The following PLPPR1 variants were observed in gnomAD, a reference collection of about 807,000 sequenced individuals.
The protein encoded by PLPPR1 is phospholipid phosphatase-related protein type 1.
PLPPR1 carries 10 observed loss-of-function variants against 33.1 expected under a neutral mutation model. That is an observed-to-expected ratio of 0.30 (90% confidence interval 0.19 to 0.51). The LOEUF is 0.51. PLPPR1 is among the 20% of genes least tolerant of loss of function. The probability of loss-of-function intolerance (pLI) is 0.97; values close to 1 mark genes in which losing one functional copy is unlikely to be tolerated. For missense variants in PLPPR1, 304 were observed against 408.1 expected (o/e 0.74, Z 2.20); for synonymous variants, 151 against 151.0 (o/e 1.00, Z 0.00).
At chr9:101,297,516 A>T (rs1828669802) in intron 4 of PLPPR1, among the ~76,000 whole-genome samples, 1 of 152,192 alleles carries the variant, frequency 6.6e-6, no homozygotes, top group South Asian at 2.1e-4. Flanking sequence ...GAGAGTATTA[A>T]ATTCCTTTGA....
At chr9:101,266,869 T>A (rs1828007740) in intron 2 of PLPPR1, among the ~76,000 whole-genome samples, 1 of 152,196 alleles carries the variant, frequency 6.6e-6, no homozygotes, top group African/African-American at 2.4e-5. Context: ...CACTTTTTTT[T>A]AGAAAAAGGA....
intron 4 of PLPPR1, 83 bp from the exon 5 acceptor site, chr9:101,309,128 C>G (rs191516198): frequency 1.4e-6 from 2 of 1,406,548 alleles, no homozygotes; most frequent in African/African-American, 2.8e-5. Context: ...TCATCATGGA[C>G]TCTCACCGCT....
At chr9:101,302,078 A>C (rs1363946640) in intron 4 of PLPPR1, among the ~76,000 whole-genome samples, 1 of 152,196 alleles carries the variant, frequency 6.6e-6, no homozygotes, top group African/African-American at 2.4e-5. Context: ...TTTGTAACCC[A>C]AGCTCCTCTA....
chr9:101,197,493 C>T (rs1029354927), intron 2 of PLPPR1, among the ~76,000 whole-genome samples: 2 of 152,188 alleles, frequency 1.3e-5, no homozygotes, highest in Non-Finnish European at 2.9e-5. Context: ...ATCAGACTCA[C>T]TAACTTCTCA....
chr9:101,216,628 A>C (rs1826800943), intron 2 of PLPPR1, among the ~76,000 whole-genome samples: 1 of 152,246 alleles, frequency 6.6e-6, no homozygotes, highest in South Asian at 2.1e-4. Flanking sequence ...AGAAATTAGG[A>C]AGAGAATCTG....
At chr9:101,129,333 G>T (rs992903494) in intron 1 of PLPPR1, among the ~76,000 whole-genome samples, 2 of 152,034 alleles carry the variant, frequency 1.3e-5, no homozygotes, top group Non-Finnish European at 2.9e-5. Context: ...TGTTACCCAT[G>T]CACCATATGA....
chr9:101,030,412 G>A (rs1271470526), intron 1 of PLPPR1, among the ~76,000 whole-genome samples: 1 of 151,066 alleles, frequency 6.6e-6, no homozygotes, highest in African/African-American at 2.4e-5. Context: ...TATTCTTCTG[G>A]TGGGACGCTA....
intron 1 of PLPPR1, among the ~76,000 whole-genome samples, chr9:101,125,214 G>A (rs1292943786): frequency 1.3e-5 from 2 of 151,862 alleles, no homozygotes; most frequent in African/African-American, 4.8e-5. Context: ...TGTCCCTGTG[G>A]TACCTGTTAG....
At chr9:101,233,386 G>C (rs1827229601) in intron 2 of PLPPR1, among the ~76,000 whole-genome samples, 1 of 151,976 alleles carries the variant, frequency 6.6e-6, no homozygotes, top group Non-Finnish European at 1.5e-5. Flanking sequence ...TAAAATGAAA[G>C]TGAGCTCATC....
chr9:101,180,557 A>G (rs1826092325), intron 1 of PLPPR1, among the ~76,000 whole-genome samples: 2 of 151,942 alleles, frequency 1.3e-5, no homozygotes, highest in Admixed American at 1.3e-4. Flanking sequence ...CCAATAGAAC[A>G]GTATAGACAG....
At chr9:101,090,033 C>T (rs12338609) in intron 1 of PLPPR1, among the ~76,000 whole-genome samples, 8,975 of 152,168 alleles carry the variant, frequency 0.059, 680 homozygotes, top group East Asian at 0.25. Context: ...AGGATCATCT[C>T]TTGCTTTTTC....
At chr9:101,214,379 G>A (rs187075391) in intron 2 of PLPPR1, among the ~76,000 whole-genome samples, 1 of 152,204 alleles carries the variant, frequency 6.6e-6, no homozygotes, top group Non-Finnish European at 1.5e-5. Context: ...TTAATTTTTA[G>A]AGGTTTATTA....
intron 7 of PLPPR1, among the ~76,000 whole-genome samples, chr9:101,320,530 A>T (rs1333112481): frequency 6.6e-6 from 1 of 152,212 alleles, no homozygotes; most frequent in Non-Finnish European, 1.5e-5. Context: ...GAAAGTAGAG[A>T]TTTATAAGAA....
intron 1 of PLPPR1, chr9:101,125,634 G>T: frequency 1.8e-6 from 1 of 571,078 alleles, no homozygotes; most frequent in Non-Finnish European, 3.3e-6. Context: ...TCAATTTCCT[G>T]GAATAAGTTG....
rs1204463498 is a variant in PLPPR1 at position 101,051,651 on chromosome 9, A to G, written c.-46+22549A>G. The stretch of plus-strand genomic sequence containing the variant: ...TCATTTTCTACTTAATTTTCACGTT[A>G]CATTTCTACTTCTGCTAGTGCTTAC... On this transcript the variant is annotated intron_variant, in intron 1 of 7. Transcript: ENST00000374874. Among the ~76,000 whole-genome samples, 3 of 152,198 alleles carry G rather than the reference A, an allele frequency of 2.0e-5. No homozygotes were observed. The East Asian group carries it at 5.8e-4, about 29-fold the overall frequency.
chr9:101,253,780 C>T (rs996434150), intron 2 of PLPPR1, among the ~76,000 whole-genome samples: 3 of 151,982 alleles, frequency 2.0e-5, no homozygotes, highest in African/African-American at 7.2e-5. Context: ...AATTATACTG[C>T]CCAGTATGTG....
Position 101,171,569 on chromosome 9 carries a change from G to T in PLPPR1, c.-45-13881G>T, listed in dbSNP as rs368685825. Among the ~76,000 whole-genome samples the T allele has an allele frequency of 1.1e-4, 17 of 152,142 alleles. No individual in the cohort carries two copies. In the East Asian group the frequency reaches 3.1e-3, roughly 28 times the overall value. On this transcript the variant is annotated intron_variant, in intron 1 of 7. Transcript: ENST00000374874. ...CAATGCCACCCTCTTGTTGTGTCTGGGTCTTCACATTGTCCTTTATAAGCT... is the reference window on the plus strand; with the variant it reads ...CAATGCCACCCTCTTGTTGTGTCTGTGTCTTCACATTGTCCTTTATAAGCT...
rs117276762 is a variant in PLPPR1 at position 101,204,708 on chromosome 9, A to G, written c.63+19151A>G. On this transcript the variant is annotated intron_variant, in intron 2 of 7. Coordinates refer to ENST00000374874, the MANE Select transcript of PLPPR1 (RefSeq NM_207299.2). Reference sequence around the variant, plus strand: ...TCTCTAGTATCTCTAAGGTGTTGGTATTTTCTTACTGGGCTACTATGAATG... The same window carrying G: ...TCTCTAGTATCTCTAAGGTGTTGGTGTTTTCTTACTGGGCTACTATGAATG... 9.8e-3 allele frequency among the ~76,000 whole-genome samples: 1,497 copies of G among 152,106 alleles called. 12 individuals carry two copies. The highest frequency in any genetic ancestry group is 0.017 in the Non-Finnish European group (1,170 of 67,996).
chr9:101,310,906 A>G (rs1828942564), intron 5 of PLPPR1, among the ~76,000 whole-genome samples: 1 of 152,216 alleles, frequency 6.6e-6, no homozygotes, highest in Admixed American at 6.5e-5. Flanking sequence ...AATTTACAAA[A>G]CAGATTATAG....
Sources: gnomAD v4.1 joint callset for allele counts (sites outside exome capture counted in the v4.1 genomes callset) on GRCh38, gnomAD v4.1.1 for gene constraint, MANE v1.5 for transcripts, NCBI Gene and HGNC (gene_info 2026-07-23, HGNC 2026-07-21) for gene names.